KCTD5: variants seen among roughly 807,000 people sequenced by gnomAD.
KCTD5 encodes the protein BTB/POZ domain-containing protein KCTD5.
Under a neutral mutation model 27.9 loss-of-function variants are expected in KCTD5, and 12 were observed. The ratio of observed to expected loss-of-function variants is 0.43; its 90% confidence interval spans 0.28 to 0.70. KCTD5 has a LOEUF of 0.70. KCTD5 is among the 30% of genes least tolerant of loss of function. The pLI, the probability that KCTD5 is intolerant of heterozygous loss-of-function variation, is 0.19. For synonymous variants in KCTD5, 147 were observed against 121.4 expected, an observed-to-expected ratio of 1.21 and a Z score of -1.39; for missense variants, 226 against 274.8, an observed-to-expected ratio of 0.82 and a Z score of 1.26.
chr16:2,708,855 A>G lies in KCTD5; in HGVS notation c.*1528A>G, dbSNP rs966429178. On this transcript the variant is annotated 3_prime_UTR_variant, in exon 6 of 6. Coordinates refer to ENST00000301738, the MANE Select transcript of KCTD5 (RefSeq NM_018992.4). ...GCGTTGTTTGATTTTTGACCTTGAC[A>G]TAGTAGATAGGCTTGTGGTTTTTTT... is the stretch of plus-strand genomic sequence containing the variant. The G allele has an allele frequency of 2.0e-5, 3 of 152,206 alleles. No homozygotes were observed. The highest frequency in any genetic ancestry group is 6.5e-5 in the Admixed American group (1 of 15,282). 9.4% of individuals were successfully genotyped at this position (152,206 alleles called of 1,614,324 possible).
intron 1 of KCTD5, 27 bp downstream of exon 1, chr16:2,682,827 G>C (rs2067524347): frequency 6.4e-7 from 1 of 1,570,810 alleles, no homozygotes; most frequent in Non-Finnish European, 8.6e-7. Context: ...CCAGCCCGGA[G>C]GGTCCTGGCC....
intron 5 of KCTD5, among the ~76,000 whole-genome samples, chr16:2,705,051 TG>T (rs1344382865): frequency 1.3e-5 from 2 of 152,140 alleles, no homozygotes; most frequent in African/African-American, 4.8e-5. Context: ...TCACCGGGCG[TG>T]GGGGTTTGGG....
chr16:2,700,763 A>T (rs966178332), intron 4 of KCTD5, among the ~76,000 whole-genome samples: 4 of 151,678 alleles, frequency 2.6e-5, no homozygotes, highest in Non-Finnish European at 5.9e-5. Flanking sequence ...TTTTCCTTGG[A>T]GTCTTTCAAA....
chr16:2,682,997 C>A, intron 1 of KCTD5, 197 bp downstream of exon 1: 1 of 581,668 alleles, frequency 1.7e-6, no homozygotes, highest in South Asian at 2.6e-5. Flanking sequence ...GTGAGGATGG[C>A]GCCCTGGCGT....
chr16:2,704,198 G>A (rs1488345546), intron 5 of KCTD5, among the ~76,000 whole-genome samples: 1 of 152,220 alleles, frequency 6.6e-6, no homozygotes, highest in Non-Finnish European at 1.5e-5. Flanking sequence ...TGGGGGTGGT[G>A]TCAGCAGTGC....
chr16:2,687,891 G>A (rs536188691), intron 1 of KCTD5, among the ~76,000 whole-genome samples: 18 of 152,248 alleles, frequency 1.2e-4, no homozygotes, highest in South Asian at 4.1e-4. Context: ...CTCCCTGGGC[G>A]TCAACTCGGC....
intron 1 of KCTD5, among the ~76,000 whole-genome samples, chr16:2,693,993 ACCT>A (rs1236763681): frequency 7.1e-6 from 1 of 140,004 alleles, no homozygotes; most frequent in Non-Finnish European, 1.6e-5. Flanking sequence ...ATCTTTCCTG[ACCT>A]CCTGCCAGCG....
At chr16:2,699,017 G>A (rs2067599250) in intron 3 of KCTD5, 1 of 413,482 alleles carries the variant, frequency 2.4e-6, no homozygotes, top group Admixed American at 2.6e-5. Flanking sequence ...TCACTGTCTT[G>A]CAGAATAAAG....
chr16:2,689,683 CTTT>C (rs200225165), intron 1 of KCTD5, among the ~76,000 whole-genome samples: 1 of 138,732 alleles, frequency 7.2e-6, no homozygotes. Flanking sequence ...GTTTTCTTTT[CTTT>C]TTTTTTTTTT....
chr16:2,707,582 T>C lies in KCTD5; in HGVS notation c.*255T>C. On this transcript the variant is annotated 3_prime_UTR_variant, in exon 6 of 6. Coordinates refer to ENST00000301738, the MANE Select transcript of KCTD5 (RefSeq NM_018992.4). ...TCTTGGGGGGGCCTCGCTCTGTTTT[T>C]TCCAAGTGCCACGTGGGACTGAGGC... 1 of 616,650 alleles carries C rather than the reference T, an allele frequency of 1.6e-6. No individual in the cohort carries two copies. Among genetic ancestry groups the C allele is most frequent in the Non-Finnish European group, 2.9e-6 (1 of 346,428 alleles). The allele number at this position is 616,650 out of a possible 1,614,324, so 38.2% of individuals were successfully genotyped here. A position where few individuals can be genotyped will look rare whatever the true frequency, so the allele number is the denominator to read the frequency against.
intron 4 of KCTD5, among the ~76,000 whole-genome samples, chr16:2,701,153 G>C (rs952513338): frequency 6.6e-6 from 1 of 152,236 alleles, no homozygotes; most frequent in Non-Finnish European, 1.5e-5. Flanking sequence ...TCTCCTGCCC[G>C]TGGTGGGCAC....
intron 5 of KCTD5, 36 bp from the exon 6 acceptor site, chr16:2,707,262 C>T: frequency 6.2e-7 from 1 of 1,609,524 alleles, no homozygotes; most frequent in Non-Finnish European, 8.5e-7. Context: ...ACCTCCTCAG[C>T]CCAAGTCCTC....
intron 5 of KCTD5, among the ~76,000 whole-genome samples, chr16:2,702,823 G>T (rs989927240): frequency 8.3e-6 from 1 of 121,108 alleles, no homozygotes; most frequent in African/African-American, 3.3e-5. Flanking sequence ...GTGAGGACTT[G>T]GGATGCTGAG....
In KCTD5 at chr16:2,682,548, C is replaced by G. The variant is rs760120857; in HGVS notation, c.-1C>G. 1 of 1,405,872 alleles carries G rather than the reference C, an allele frequency of 7.1e-7. No individual in the cohort carries two copies. Among genetic ancestry groups the G allele is most frequent in the Non-Finnish European group, 9.2e-7 (1 of 1,083,152 alleles). 87.1% of individuals were successfully genotyped at this position (1,405,872 alleles called of 1,614,324 possible). On this transcript the variant is annotated 5_prime_UTR_variant, in exon 1 of 6. The change creates a new upstream start codon in the 5' untranslated region. Coordinates refer to ENST00000301738, the MANE Select transcript of KCTD5 (RefSeq NM_018992.4). ...GAGCTGTTGCGGGGCTTGCTGGGATCATGGCGGAGAATCACTGCGAGCTCC... is the reference window on the plus strand; with the variant it reads ...GAGCTGTTGCGGGGCTTGCTGGGATGATGGCGGAGAATCACTGCGAGCTCC...
At chr16:2,697,501 C>T (rs1456552761) in intron 2 of KCTD5, among the ~76,000 whole-genome samples, 1 of 152,232 alleles carries the variant, frequency 6.6e-6, no homozygotes, top group East Asian at 1.9e-4. Context: ...TGAGCAGGTT[C>T]CCAGCAGGAA....
At chr16:2,705,908 T>C (rs1355765280) in intron 5 of KCTD5, among the ~76,000 whole-genome samples, 1 of 152,170 alleles carries the variant, frequency 6.6e-6, no homozygotes, top group Non-Finnish European at 1.5e-5. Context: ...GAGGGAGCTG[T>C]TGGGGCTCCC....
At chr16:2,690,216 C>T (rs1319175682) in intron 1 of KCTD5, among the ~76,000 whole-genome samples, 1 of 152,252 alleles carries the variant, frequency 6.6e-6, no homozygotes, top group Non-Finnish European at 1.5e-5. Flanking sequence ...GGCGAGCAGT[C>T]AGCTCTGTCT....
At position 2,707,333 on chromosome 16, in the gene KCTD5, A is replaced by G. The variant is rs111607468; in HGVS notation, c.*6A>G. On this transcript the variant is annotated 3_prime_UTR_variant, in exon 6 of 6. Coordinates refer to ENST00000301738, the MANE Select transcript of KCTD5 (RefSeq NM_018992.4). ...AACGAGGCTCAAGGATGTGAGGGAC[A>G]CAGTATTGACAGCTGAAGAAATGAT... 1.1e-4 allele frequency: 178 copies of G among 1,613,440 alleles called. No individual in the cohort carries two copies. The highest frequency in any genetic ancestry group is 4.9e-4 in the Middle Eastern group (3 of 6,082).
At chr16:2,684,157 A>G (rs886765470) in intron 1 of KCTD5, 2 of 152,072 alleles carry the variant, frequency 1.3e-5, no homozygotes, top group African/African-American at 4.8e-5. Flanking sequence ...AACAGGGCTT[A>G]GTGGTCACTC....
Sources: gnomAD v4.1 joint callset for allele counts (sites outside exome capture counted in the v4.1 genomes callset) on GRCh38, gnomAD v4.1.1 for gene constraint, MANE v1.5 for transcripts, NCBI Gene and HGNC (gene_info 2026-07-23, HGNC 2026-07-21) for gene names.